Variants in FUT9 observed in about 807,000 individuals in gnomAD.
The protein encoded by FUT9 is 4-galactosyl-N-acetylglucosaminide 3-alpha-L-fucosyltransferase 9.
Under a neutral mutation model 29.7 loss-of-function variants are expected in FUT9, and 15 were observed. The observed-to-expected ratio is 0.51, with a 90% confidence interval of 0.34 to 0.78. The LOEUF (loss-of-function observed/expected upper bound fraction) is 0.78. Among genes scored for constraint, FUT9 ranks in the 30% least tolerant of loss-of-function variants. The pLI is 0.01. For missense variants in FUT9, 319 were observed against 425.4 expected, an observed-to-expected ratio of 0.75 and a Z score of 2.20; for synonymous variants, 169 against 153.7, an observed-to-expected ratio of 1.10 and a Z score of -0.74.
At chr6:96,143,066 C>T (rs1772494430) in intron 2 of FUT9, among the ~76,000 whole-genome samples, 1 of 152,154 alleles carries the variant, frequency 6.6e-6, no homozygotes, top group Non-Finnish European at 1.5e-5. Context: ...TTGCTGTGGT[C>T]TGAATGTTTG....
At chr6:96,120,638 A>T in intron 2 of FUT9, among the ~76,000 whole-genome samples, 1 of 100,290 alleles carries the variant, frequency 1.0e-5, no homozygotes. Context: ...AAGACTTTCT[A>T]CTATTCTGCC....
At chr6:96,064,990 G>A (rs1770939051) in intron 1 of FUT9, among the ~76,000 whole-genome samples, 1 of 152,164 alleles carries the variant, frequency 6.6e-6, no homozygotes, top group South Asian at 2.1e-4. Context: ...CAGTAAAAAT[G>A]AAAATTCCCT....
At chr6:96,087,308 A>C (rs1771332338) in intron 1 of FUT9, among the ~76,000 whole-genome samples, 1 of 150,332 alleles carries the variant, frequency 6.7e-6, no homozygotes, top group Non-Finnish European at 1.5e-5. Context: ...GTAACATAGC[A>C]CTCTACATAT....
rs75639273 is a variant in FUT9, at chr6:96,109,695, C to T, written c.-97-4344C>T. Among the ~76,000 whole-genome samples the T allele has an allele frequency of 7.9e-3, 1,200 of 152,284 alleles. 23 individuals are homozygous for T. Among genetic ancestry groups the T allele is most frequent in the African/African-American group, 0.028 (1,145 of 41,558 alleles). On this transcript the variant is annotated intron_variant, in intron 1 of 2. Transcript: ENST00000302103. ...TCTCTCAATTCAAGGACAGTAATAGCCTTTGAACTGGCTACTGCTTCCAGG... is the reference window on the plus strand; with the variant it reads ...TCTCTCAATTCAAGGACAGTAATAGTCTTTGAACTGGCTACTGCTTCCAGG...
intron 1 of FUT9, among the ~76,000 whole-genome samples, chr6:96,099,317 C>T (rs770106336): frequency 6.6e-6 from 1 of 152,090 alleles, no homozygotes; most frequent in African/African-American, 2.4e-5. Flanking sequence ...GATTTTATAA[C>T]AGAAAGACAT....
chr6:96,051,853 A>T (rs1006374458), intron 1 of FUT9, among the ~76,000 whole-genome samples: 1 of 152,108 alleles, frequency 6.6e-6, no homozygotes, highest in African/African-American at 2.4e-5. Flanking sequence ...AATTCCTTGG[A>T]TTAGAATTCT....
chr6:96,099,515 G>A (rs944772493), intron 1 of FUT9, among the ~76,000 whole-genome samples: 6 of 152,034 alleles, frequency 3.9e-5, no homozygotes, highest in African/African-American at 1.2e-4. Context: ...AGTTGCCAAT[G>A]TTTCCATTCA....
At chr6:96,022,626 A>T (rs1053781914) in intron 1 of FUT9, among the ~76,000 whole-genome samples, 1 of 151,888 alleles carries the variant, frequency 6.6e-6, no homozygotes, top group Non-Finnish European at 1.5e-5. Flanking sequence ...CCACTTTTTC[A>T]TGTAAAGGTG....
At chr6:96,017,146 T>C (rs528892049) in intron 1 of FUT9, among the ~76,000 whole-genome samples, 1 of 152,326 alleles carries the variant, frequency 6.6e-6, no homozygotes, top group South Asian at 2.1e-4. Context: ...AGCTTTTTCT[T>C]GAAGGAGATG....
intron 2 of FUT9, among the ~76,000 whole-genome samples, chr6:96,143,702 A>C (rs1226184572): frequency 6.6e-6 from 1 of 152,182 alleles, no homozygotes; most frequent in Non-Finnish European, 1.5e-5. Flanking sequence ...GTCCAAAAAG[A>C]TTATTTTAAA....
At chr6:96,116,566 C>T (rs73554637) in intron 2 of FUT9, among the ~76,000 whole-genome samples, 6 of 152,170 alleles carry the variant, frequency 3.9e-5, no homozygotes, top group African/African-American at 1.4e-4. Context: ...AATGAACAGA[C>T]TGTGGTAAAT....
chr6:96,129,795 C>T (rs9404269), intron 2 of FUT9, among the ~76,000 whole-genome samples: 135,377 of 151,934 alleles, frequency 0.89, 61,516 homozygotes, highest in East Asian at 0.99. Flanking sequence ...CTATTACTTT[C>T]ATAGTTCTTA....
chr6:96,155,301 G>C (rs929468048), intron 2 of FUT9, among the ~76,000 whole-genome samples: 1 of 152,158 alleles, frequency 6.6e-6, no homozygotes, highest in African/African-American at 2.4e-5. Flanking sequence ...AGGGGAGAGA[G>C]TGTTATGGTC....
At chr6:96,138,481 T>C (rs1772401529) in intron 2 of FUT9, among the ~76,000 whole-genome samples, 1 of 82,272 alleles carries the variant, frequency 1.2e-5, no homozygotes, top group South Asian at 9.0e-4. Flanking sequence ...ATGTGTTCCT[T>C]GCTTTTTTTT....
At chr6:96,158,805 C>A (rs969700230) in intron 2 of FUT9, among the ~76,000 whole-genome samples, 1 of 152,066 alleles carries the variant, frequency 6.6e-6, no homozygotes, top group Non-Finnish European at 1.5e-5. Context: ...CCTGAATCAA[C>A]CTCTTAGGCT....
At chr6:96,104,527 T>G (rs1582232357) in intron 1 of FUT9, among the ~76,000 whole-genome samples, 1 of 152,192 alleles carries the variant, frequency 6.6e-6, no homozygotes, top group Admixed American at 6.5e-5. Flanking sequence ...TAAATTATTT[T>G]TTTTGTTTTG....
intron 2 of FUT9, among the ~76,000 whole-genome samples, chr6:96,198,006 C>T (rs1015969268): frequency 1.3e-4 from 20 of 152,184 alleles, no homozygotes; most frequent in Non-Finnish European, 1.5e-5. Flanking sequence ...CATTTTTCTC[C>T]CTAATACCTT....
At chr6:96,155,537 G>C (rs984090653) in intron 2 of FUT9, among the ~76,000 whole-genome samples, 8 of 152,058 alleles carry the variant, frequency 5.3e-5, no homozygotes, top group African/African-American at 1.9e-4. Flanking sequence ...GCTGGGCGTG[G>C]TGGCAGGTGC....
chr6:96,142,972 A>G (rs1202015912), intron 2 of FUT9, among the ~76,000 whole-genome samples: 2 of 152,200 alleles, frequency 1.3e-5, no homozygotes, highest in Non-Finnish European at 2.9e-5. Flanking sequence ...GGGTATCTTC[A>G]TAAAAGCCTG....
Sources: allele counts gnomAD v4.1 joint callset (sites outside exome capture counted in the v4.1 genomes callset), GRCh38; gene constraint gnomAD v4.1.1; transcripts MANE v1.5; gene names NCBI Gene and HGNC (gene_info 2026-07-23, HGNC 2026-07-21).